Variants in PGM5 observed in about 807,000 individuals in gnomAD.
PGM5 encodes phosphoglucomutase 5, also known as phosphoglucomutase-like protein 5.
PGM5 carries 23 observed loss-of-function variants against 59.2 expected under a neutral mutation model. The ratio of observed to expected loss-of-function variants is 0.39; its 90% CI spans 0.28 to 0.55. PGM5 has a LOEUF of 0.55. Among genes scored for constraint, PGM5 ranks in the 20% least tolerant of loss-of-function variants. PGM5 has a pLI of 0.66. For missense variants in PGM5, 574 were observed against 748.3 expected, an observed-to-expected ratio of 0.77 and a Z score of 2.72; for synonymous variants, 214 against 286.0, an observed-to-expected ratio of 0.75 and a Z score of 2.54.
rs1299441698 is a variant in PGM5 at position 68,530,193 on chromosome 9, G to A, written c.*537G>A. On this transcript the variant is annotated 3_prime_UTR_variant, in exon 11 of 11. Transcript: ENST00000396396. Reference sequence around the variant, plus strand: ...CCTCACTCCTGCCACCCACCCGATGGCCCTGCCTCCCCCATCCCATCCCCA... The same window carrying A: ...CCTCACTCCTGCCACCCACCCGATGACCCTGCCTCCCCCATCCCATCCCCA... 1.3e-5 allele frequency: 2 copies of A among 152,668 alleles called. No homozygotes were observed. Among genetic ancestry groups the A allele is most frequent in the East Asian group, 3.9e-4 (2 of 5,190 alleles). 9.5% of individuals were successfully genotyped at this position (152,668 alleles called of 1,614,324 possible).
chr9:68,496,861 GTAATCCCAAGTGAC>G (rs1217480463), intron 9 of PGM5: 1 of 152,182 alleles, frequency 6.6e-6, no homozygotes, highest in Non-Finnish European at 1.5e-5. Context: ...ATCAGAAGAG[GTAATCCCAAGTGAC>G]TTGGAATCTG....
At chr9:68,480,721 A>G (rs969345903) in intron 8 of PGM5, among the ~76,000 whole-genome samples, 2 of 152,082 alleles carry the variant, frequency 1.3e-5, no homozygotes, top group Admixed American at 6.5e-5. Flanking sequence ...AAAACAAAAC[A>G]AAACAAAAAA....
At chr9:68,395,752 T>C (rs1240120665) in intron 6 of PGM5, 2 of 152,186 alleles carry the variant, frequency 1.3e-5, no homozygotes, top group African/African-American at 4.8e-5. Context: ...TGGTGCTTTT[T>C]TGTAAATTGA....
intron 6 of PGM5, among the ~76,000 whole-genome samples, chr9:68,420,429 G>A (rs1236284203): frequency 1.3e-5 from 2 of 152,140 alleles, no homozygotes; most frequent in Non-Finnish European, 2.9e-5. Flanking sequence ...CTGACCTTGA[G>A]CTTATTCGCT....
intron 6 of PGM5, among the ~76,000 whole-genome samples, chr9:68,411,815 G>A (rs183878557): frequency 3.3e-5 from 5 of 152,170 alleles, no homozygotes; most frequent in East Asian, 1.9e-4. Flanking sequence ...CTGGGGAATC[G>A]GAACTTGTGG....
intron 1 of PGM5, among the ~76,000 whole-genome samples, chr9:68,373,898 A>G (rs1165851641): frequency 2.6e-5 from 4 of 152,232 alleles, no homozygotes; most frequent in Admixed American, 2.0e-4. Flanking sequence ...CTGTAGAAAG[A>G]GAAATAAGCA....
At chr9:68,520,784 C>A (rs1467418362) in intron 10 of PGM5, among the ~76,000 whole-genome samples, 1 of 152,148 alleles carries the variant, frequency 6.6e-6, no homozygotes, top group East Asian at 1.9e-4. Context: ...GCTATATGTG[C>A]TGACAGTATG....
At chr9:68,513,763 C>G (rs1375699200) in intron 10 of PGM5, among the ~76,000 whole-genome samples, 1 of 152,192 alleles carries the variant, frequency 6.6e-6, no homozygotes, top group East Asian at 1.9e-4. Flanking sequence ...ACAGTCAGGA[C>G]AGTCAGTGTG....
intron 6 of PGM5, among the ~76,000 whole-genome samples, chr9:68,421,584 G>C (rs1823130220): frequency 6.6e-6 from 1 of 152,028 alleles, no homozygotes; most frequent in Admixed American, 6.6e-5. Flanking sequence ...AGGCATGGTG[G>C]TGCGTGCCTG....
At chr9:68,473,205 A>G (rs1406268074) in intron 7 of PGM5, among the ~76,000 whole-genome samples, 1 of 152,232 alleles carries the variant, frequency 6.6e-6, no homozygotes, top group African/African-American at 2.4e-5. Flanking sequence ...ACTATTTTTC[A>G]AAGACAAATC....
intron 9 of PGM5, among the ~76,000 whole-genome samples, 155 bp downstream of exon 9, chr9:68,484,203 C>T (rs767607916): frequency 6.6e-6 from 1 of 151,976 alleles, no homozygotes. Flanking sequence ...TGATGAAGGA[C>T]ACCTAACAAG....
At chr9:68,363,225 C>T (rs1834615149) in intron 1 of PGM5, among the ~76,000 whole-genome samples, 1 of 152,282 alleles carries the variant, frequency 6.6e-6, no homozygotes, top group East Asian at 1.9e-4. Flanking sequence ...TATAATAGCA[C>T]TGTTCAATAG....
At chr9:68,361,860 T>C (rs1199358442) in intron 1 of PGM5, among the ~76,000 whole-genome samples, 8 of 152,002 alleles carry the variant, frequency 5.3e-5, no homozygotes. Context: ...TCATAGGCAA[T>C]AATGTGTATT....
At chr9:68,431,121 C>T (rs1326343850) in intron 6 of PGM5, among the ~76,000 whole-genome samples, 1 of 152,174 alleles carries the variant, frequency 6.6e-6, no homozygotes, top group Non-Finnish European at 1.5e-5. Flanking sequence ...TTGCAGTCCT[C>T]AGAACGCATT....
intron 1 of PGM5, among the ~76,000 whole-genome samples, chr9:68,363,330 C>T (rs1201346077): frequency 6.6e-6 from 1 of 152,304 alleles, no homozygotes; most frequent in Non-Finnish European, 1.5e-5. Context: ...GCTAGAGCAA[C>T]TGAAGAACTG....
chr9:68,527,761 T>C (rs993280534), intron 10 of PGM5, among the ~76,000 whole-genome samples: 1 of 152,208 alleles, frequency 6.6e-6, no homozygotes, highest in East Asian at 1.9e-4. Flanking sequence ...CATCTAGCCA[T>C]CTTCATAGAG....
At chr9:68,473,099 C>CCGAT (rs1433589644) in intron 7 of PGM5, among the ~76,000 whole-genome samples, 14 of 152,102 alleles carry the variant, frequency 9.2e-5, no homozygotes, top group African/African-American at 2.7e-4. Context: ...TATCAGTCTA[C>CCGAT]CGATCGATCG....
intron 6 of PGM5, among the ~76,000 whole-genome samples, chr9:68,413,501 C>A (rs566165642): frequency 6.6e-6 from 1 of 152,300 alleles, no homozygotes; most frequent in Non-Finnish European, 1.5e-5. Context: ...CTTTCAGAAT[C>A]ACTTACCTAG....
intron 4 of PGM5, among the ~76,000 whole-genome samples, chr9:68,388,994 C>A (rs1185332269): frequency 1.3e-5 from 2 of 151,934 alleles, no homozygotes; most frequent in East Asian, 1.9e-4. Context: ...ATTTAGTAAC[C>A]ATTCTGGTTA....
Sources: gnomAD v4.1 joint callset for allele counts (sites outside exome capture counted in the v4.1 genomes callset) on GRCh38, gnomAD v4.1.1 for gene constraint, MANE v1.5 for transcripts, NCBI Gene and HGNC (gene_info 2026-07-23, HGNC 2026-07-21) for gene names.